The following PPP2R2B variants were observed in gnomAD, a reference collection of about 807,000 sequenced individuals.
The protein encoded by PPP2R2B is protein phosphatase 2 regulatory subunit Bbeta, also known as serine/threonine-protein phosphatase 2A 55 kDa regulatory subunit B beta isoform.
PPP2R2B carries 5 observed loss-of-function variants against 46.0 expected under a neutral mutation model. That is an observed-to-expected ratio of 0.11 (90% CI 0.06 to 0.23). The LOEUF is 0.23. Among genes scored for constraint, PPP2R2B ranks in the 10% least tolerant of loss-of-function variants. The probability of loss-of-function intolerance (pLI) is 1.00; values close to 1 mark genes in which losing one functional copy is unlikely to be tolerated. For missense variants in PPP2R2B, 367 were observed against 575.0 expected (o/e 0.64, Z 3.70); for synonymous variants, 215 against 206.7 (o/e 1.04, Z -0.34).
intron 5 of PPP2R2B, among the ~76,000 whole-genome samples, chr5:146,665,186 T>C (rs1776909358): frequency 6.6e-6 from 1 of 152,224 alleles, no homozygotes; most frequent in Non-Finnish European, 1.5e-5. Flanking sequence ...TGAAGATAGC[T>C]ATTGACTTCT....
chr5:146,945,591 A>C (rs150919750), intron 1 of PPP2R2B, among the ~76,000 whole-genome samples: 38 of 152,260 alleles, frequency 2.5e-4, no homozygotes, highest in Non-Finnish European at 4.0e-4. Flanking sequence ...GCAGCTGCTG[A>C]TGATGTTTTT....
intron 2 of PPP2R2B, among the ~76,000 whole-genome samples, chr5:146,734,252 T>C (rs1752408977): frequency 2.0e-5 from 3 of 151,966 alleles, no homozygotes; most frequent in Admixed American, 2.0e-4. Flanking sequence ...AGATGGGGCC[T>C]CCCTACATTG....
At chr5:146,831,938 G>C (rs950721969) in intron 2 of PPP2R2B, among the ~76,000 whole-genome samples, 1 of 152,240 alleles carries the variant, frequency 6.6e-6, no homozygotes, top group African/African-American at 2.4e-5. Flanking sequence ...GGAAGACAGT[G>C]ACATTGATAA....
At chr5:147,037,293 G>T (rs1304774050) in intron 1 of PPP2R2B, among the ~76,000 whole-genome samples, 2 of 152,186 alleles carry the variant, frequency 1.3e-5, no homozygotes, top group South Asian at 2.1e-4. Context: ...AAGACAGAGT[G>T]ACTTCTGGCA....
intron 1 of PPP2R2B, among the ~76,000 whole-genome samples, chr5:146,918,776 T>A (rs1763487293): frequency 6.6e-6 from 1 of 152,206 alleles, no homozygotes; most frequent in Non-Finnish European, 1.5e-5. Context: ...GATTATCTCA[T>A]ACCTCCCTTT....
intron 2 of PPP2R2B, among the ~76,000 whole-genome samples, chr5:146,733,653 C>T (rs1478621606): frequency 1.3e-5 from 2 of 152,048 alleles, no homozygotes; most frequent in African/African-American, 2.4e-5. Flanking sequence ...GAATTGGCAA[C>T]CAGTTTGAGA....
At chr5:146,784,827 T>G (rs1755739943) in intron 2 of PPP2R2B, among the ~76,000 whole-genome samples, 1 of 152,162 alleles carries the variant, frequency 6.6e-6, no homozygotes, top group East Asian at 1.9e-4. Flanking sequence ...AGTTTCCTGG[T>G]GAGTTCAGAA....
chr5:146,881,929 T>C (rs927499613), upstream of PPP2R2B, among the ~76,000 whole-genome samples: 21 of 152,154 alleles, frequency 1.4e-4, 1 homozygote, highest in African/African-American at 4.1e-4. Flanking sequence ...AAATAATTGG[T>C]TCGATTTATT....
chr5:147,024,300 T>C (rs1042551435), intron 1 of PPP2R2B, among the ~76,000 whole-genome samples: 8 of 152,030 alleles, frequency 5.3e-5, no homozygotes, highest in Non-Finnish European at 7.4e-5. Context: ...ATTGGCCCTA[T>C]AAAACAGCTT....
At chr5:147,057,998 T>A (rs1014847057), upstream of PPP2R2B, among the ~76,000 whole-genome samples, 2 of 152,322 alleles carry the variant, frequency 1.3e-5, no homozygotes, top group Admixed American at 6.5e-5. Flanking sequence ...AACAGTAGTA[T>A]CAGCCCTTAA....
chr5:146,851,194 T>C (rs531505640), intron 2 of PPP2R2B, among the ~76,000 whole-genome samples: 11 of 152,176 alleles, frequency 7.2e-5, no homozygotes, highest in Non-Finnish European at 1.6e-4. Context: ...ATCTGTTTAT[T>C]AAGTAATTTT....
At chr5:147,001,188 G>C (rs570410759) in intron 1 of PPP2R2B, among the ~76,000 whole-genome samples, 3 of 152,304 alleles carry the variant, frequency 2.0e-5, no homozygotes, top group African/African-American at 7.2e-5. Flanking sequence ...GGGAATAAAA[G>C]CTGGCCACCC....
chr5:146,609,500 C>T (rs1772632231), intron 7 of PPP2R2B, among the ~76,000 whole-genome samples: 1 of 152,244 alleles, frequency 6.6e-6, no homozygotes, highest in East Asian at 1.9e-4. Context: ...CCAAGATGGC[C>T]GAATAGGAAC....
intron 1 of PPP2R2B, among the ~76,000 whole-genome samples, chr5:146,948,031 T>C (rs1160056176): frequency 1.3e-5 from 2 of 151,828 alleles, no homozygotes; most frequent in South Asian, 2.1e-4. Flanking sequence ...TCTTCATTCA[T>C]ATTTTTCCCC....
chr5:146,729,459 G>A (rs1752093139), intron 2 of PPP2R2B, among the ~76,000 whole-genome samples: 1 of 152,250 alleles, frequency 6.6e-6, no homozygotes, highest in African/African-American at 2.4e-5. Context: ...ATTTGCATAA[G>A]TAGCAGGAGC....
intron 1 of PPP2R2B, among the ~76,000 whole-genome samples, chr5:147,028,201 G>C (rs1472063865): frequency 1.3e-5 from 2 of 152,144 alleles, no homozygotes; most frequent in Non-Finnish European, 2.9e-5. Flanking sequence ...TAGAAACAAA[G>C]AACTCAATAG....
At chr5:147,016,011 G>A (rs1003026564) in intron 1 of PPP2R2B, among the ~76,000 whole-genome samples, 1 of 151,450 alleles carries the variant, frequency 6.6e-6, no homozygotes, top group African/African-American at 2.4e-5. Flanking sequence ...CAGTAAATAT[G>A]TGTTAAGAGA....
chr5:146,654,469 C>T (rs182748736), intron 5 of PPP2R2B, among the ~76,000 whole-genome samples: 8 of 152,306 alleles, frequency 5.3e-5, no homozygotes, highest in Admixed American at 4.6e-4. Context: ...TTTAACCTAA[C>T]ACTTTGGAAA....
intron 1 of PPP2R2B, among the ~76,000 whole-genome samples, chr5:147,008,501 T>C (rs553126974): frequency 6.6e-6 from 1 of 152,298 alleles, no homozygotes; most frequent in African/African-American, 2.4e-5. Context: ...CCTAACTCAA[T>C]AGGACTTTCC....
Sources: gnomAD v4.1 joint callset for allele counts (sites outside exome capture counted in the v4.1 genomes callset) on GRCh38, gnomAD v4.1.1 for gene constraint, MANE v1.5 for transcripts, NCBI Gene and HGNC (gene_info 2026-07-23, HGNC 2026-07-21) for gene names.